CILP: variants seen among roughly 807,000 people sequenced by gnomAD.
CILP encodes cartilage intermediate layer protein 1.
CILP carries 75 observed loss-of-function variants against 82.5 expected under a neutral mutation model. The observed-to-expected ratio is 0.91, with a 90% confidence interval of 0.75 to 1.10. The LOEUF (loss-of-function observed/expected upper bound fraction) is 1.10, where lower values mean the gene tolerates loss of function less well. CILP is among the 50% of genes least tolerant of loss of function. CILP has a pLI of 0.00. For synonymous variants in CILP, 530 were observed against 580.3 expected (o/e 0.91, Z 1.25); for missense variants, 1,479 against 1,530.8 (o/e 0.97, Z 0.56).
chr15:65,203,433 T>C lies in CILP; in HGVS notation c.957A>G (p.Ala319=). The change falls in exon 7 of 9, where the codon GCA becomes GCG. Residue 319 remains alanine (A), a synonymous_variant. Transcript: ENST00000261883. The part of the protein sequence containing the change: ...PYMVMNPETK[A]RRAGQSVSLC... ...GAGACACGCTCTGCCCAGCTCTCCG[T>C]GCTTTTGTCTCAGGGTTCATCACCA... The C allele has an allele frequency of 1.2e-6, 2 of 1,612,968 alleles. No individual in the cohort carries two copies. Among genetic ancestry groups the C allele is most frequent in the Non-Finnish European group, 1.7e-6 (2 of 1,180,004 alleles).
Position 65,198,248 on chromosome 15 carries a change from C to T in CILP, c.2038G>A (p.Val680Ile). Reference sequence around the variant, plus strand: ...TTGACCTGGGTCGAGTCAAGGTGGACCTTCACTTTGCCAGCATTAAGTGGC... The same window carrying T: ...TTGACCTGGGTCGAGTCAAGGTGGATCTTCACTTTGCCAGCATTAAGTGGC... ...SEPLNAGKVK[V>I]HLDSTQVKMP... is the part of the protein sequence containing the mutation. The change falls in exon 9 of 9, where the codon GTC becomes ATC. Residue 680 changes from valine to isoleucine, a missense_variant. By Grantham distance (29) the Val-to-Ile change is conservative. Coordinates refer to ENST00000261883, the MANE Select transcript of CILP (RefSeq NM_003613.4). 3.7e-6 allele frequency: 6 copies of T among 1,614,248 alleles called. No individual in the cohort carries two copies. Among genetic ancestry groups the T allele is most frequent in the South Asian group, 1.1e-5 (1 of 91,088 alleles).
At chr15:65,207,852 G>T in intron 2 of CILP, 88 bp from the exon 3 acceptor site, 1 of 1,116,038 alleles carries the variant, frequency 9.0e-7, no homozygotes, top group South Asian at 1.3e-5. Flanking sequence ...GTGAGGTGGT[G>T]AATGGAGCAT....
At chr15:65,199,571 C>G (rs1180437287) in intron 8 of CILP, among the ~76,000 whole-genome samples, 1 of 152,182 alleles carries the variant, frequency 6.6e-6, no homozygotes, top group Non-Finnish European at 1.5e-5. Flanking sequence ...ACCTGTTATC[C>G]CAACAATTTG....
In CILP at chr15:65,197,390, C is replaced by T; in HGVS notation, c.2896G>A (p.Val966Met). Reference sequence around the variant, plus strand: ...CCCATGTTGCGGGATCGCACATTCACTTCCAGTGGCCCCACAATCTTCACC... The same window carrying T: ...CCCATGTTGCGGGATCGCACATTCATTTCCAGTGGCCCCACAATCTTCACC... ...IKVKIVGPLE[V>M]NVRSRNMGGT... The change falls in exon 9 of 9, where the codon GTG (valine) becomes ATG (methionine). Residue 966 changes from valine (V) to methionine (M), a missense_variant. Coordinates refer to ENST00000261883, the MANE Select transcript of CILP (RefSeq NM_003613.4). 1 of 1,614,254 alleles carries T rather than the reference C, an allele frequency of 6.2e-7. No homozygotes were observed.
In CILP at chr15:65,201,728, CAAAAAAAAA is replaced by C. The variant is rs59737757; in HGVS notation, c.1186+135_1186+143del. ...TGGGTGACACAGCGAGACTCCATCT[CAAAAAAAAA>C]AAAAAAAAAAAAAGAAAGAAAGAAA... On this transcript the variant is annotated intron_variant, in intron 8 of 8. Coordinates refer to ENST00000261883, the MANE Select transcript of CILP (RefSeq NM_003613.4). 2.6e-4 allele frequency: 70 copies of C among 270,278 alleles called. 1 individual carries two copies. The highest frequency in any genetic ancestry group is 4.0e-4 in the South Asian group (3 of 7,562). The allele number at this position is 270,278 out of a possible 1,614,324, so 16.7% of individuals were successfully genotyped here. A position where few individuals can be genotyped will look rare whatever the true frequency, so the allele number is the denominator to read the frequency against.
intron 2 of CILP, 35 bp downstream of exon 2, chr15:65,209,660 G>C (rs762368930): frequency 6.2e-7 from 1 of 1,608,172 alleles, no homozygotes; most frequent in Non-Finnish European, 8.5e-7. Context: ...GTGGCAAGTG[G>C]AAGATTTGGG....
Position 65,204,407 on chromosome 15 carries a change from C to G in CILP, c.780G>C (p.Gly260=). Residue 260 remains glycine (G), a synonymous_variant, in exon 6 of 9, where the codon GGG becomes GGC. Transcript: ENST00000261883. ...GGCACAAGCCAGGGATTCGGAATCT[C>G]CCATCACTGTCTGTCTGGGTCAGCA... is the stretch of plus-strand genomic sequence containing the variant. ...PKLLTQTDSD[G]RFRIPGLCPD... 2 of 1,614,200 alleles carry G rather than the reference C, an allele frequency of 1.2e-6. No individual in the cohort carries two copies. Among genetic ancestry groups the G allele is most frequent in the Non-Finnish European group, 1.7e-6 (2 of 1,180,040 alleles).
At chr15:65,200,677 T>C (rs972810424) in intron 8 of CILP, among the ~76,000 whole-genome samples, 1 of 152,166 alleles carries the variant, frequency 6.6e-6, no homozygotes, top group Non-Finnish European at 1.5e-5. Flanking sequence ...ACATACACAA[T>C]CCCTGCCCAT....
Position 65,197,708 on chromosome 15 carries a change from G to A in CILP, c.2578C>T (p.Arg860Cys), listed in dbSNP as rs182779628. 1.1e-4 allele frequency: 177 copies of A among 1,613,190 alleles called. No homozygotes were observed. In the East Asian group the frequency reaches 1.2e-3, roughly 11 times the overall value. ...CGTGGATCCTCATGGTCCGTCCGAC[G>A]GTAGTTGAGCTTGTTGAGATAGGGC... Reference protein sequence around the residue: ...PQPYLNKLNYRRTDHEDPRVK... With the variant: ...PQPYLNKLNYCRTDHEDPRVK... Residue 860 changes from arginine to cysteine, a missense_variant, in exon 9 of 9, where the codon CGT becomes TGT. Arg to Cys is a radical substitution (Grantham distance 180). Coordinates refer to ENST00000261883, the MANE Select transcript of CILP (RefSeq NM_003613.4).
At chr15:65,202,641 T>G (rs1417243605) in intron 7 of CILP, among the ~76,000 whole-genome samples, 1 of 152,016 alleles carries the variant, frequency 6.6e-6, no homozygotes, top group Non-Finnish European at 1.5e-5. Flanking sequence ...TTGGCCAGAC[T>G]GGTCTCGAAC....
rs527679615 is a variant in CILP, at chr15:65,205,406, G to A, written c.485C>T (p.Ser162Leu). The part of the protein sequence containing the change: ...WSPWSPWSKC[S>L]AACGQTGVQT... ...GACCCCAGTCTGACCACAGGCAGCTGAGCACTTGCTCCAGGGAGACCATGG... is the reference window on the plus strand; with the variant it reads ...GACCCCAGTCTGACCACAGGCAGCTAAGCACTTGCTCCAGGGAGACCATGG... The change falls in exon 5 of 9, where the codon TCA (serine) becomes TTA (leucine). Residue 162 changes from serine (S) to leucine (L), a missense_variant. Transcript: ENST00000261883. 6.2e-7 allele frequency: 1 copy of A among 1,614,076 alleles called. No homozygotes were observed. The highest frequency in any genetic ancestry group is 8.5e-7 in the Non-Finnish European group (1 of 1,180,028).
chr15:65,206,756 G>T, intron 4 of CILP, 26 bp downstream of exon 4: 3 of 1,591,490 alleles, frequency 1.9e-6, no homozygotes, highest in Non-Finnish European at 2.6e-6. Flanking sequence ...GAAGTAGCGG[G>T]TGGGGGTGGG....
chr15:65,207,862 T>A, intron 2 of CILP, 98 bp from the exon 3 acceptor site: 1 of 1,008,384 alleles, frequency 9.9e-7, no homozygotes, highest in East Asian at 2.5e-5. Flanking sequence ...GAATGGAGCA[T>A]GAGCACCAGG....
Position 65,196,597 on chromosome 15 carries a change from A to G in CILP, c.*134T>C. ...ATCAGTAGCATGGGACAAAGTAAGTAAAGGCATGAAGAAACAAACAAGCAA... is the reference window on the plus strand; with the variant it reads ...ATCAGTAGCATGGGACAAAGTAAGTGAAGGCATGAAGAAACAAACAAGCAA... On this transcript the variant is annotated 3_prime_UTR_variant, in exon 9 of 9. Transcript: ENST00000261883. 1.3e-6 allele frequency: 1 copy of G among 757,266 alleles called. No homozygotes were observed. 46.9% of individuals were successfully genotyped at this position (757,266 alleles called of 1,614,324 possible).
chr15:65,197,557 G>A lies in CILP; in HGVS notation c.2729C>T (p.Ala910Val), dbSNP rs765011243. 1.2e-6 allele frequency: 2 copies of A among 1,614,236 alleles called. No individual in the cohort carries two copies. The highest frequency in any genetic ancestry group is 8.5e-7 in the Non-Finnish European group (1 of 1,180,044). Residue 910 changes from alanine (A) to valine (V), a missense_variant, in exon 9 of 9, where the codon GCC becomes GTC. Transcript: ENST00000261883. ...RACEEAPPSA[A>V]HFRFYQIEGD... ...CTCAATCTGGTAGAACCGGAAGTGGGCTGCACTGGGTGGTGCCTCTTCACA... is the reference window on the plus strand; with the variant it reads ...CTCAATCTGGTAGAACCGGAAGTGGACTGCACTGGGTGGTGCCTCTTCACA...
intron 4 of CILP, 44 bp downstream of exon 4, chr15:65,206,738 G>T (rs1167106997): frequency 6.3e-7 from 1 of 1,576,998 alleles, no homozygotes; most frequent in Admixed American, 1.7e-5. Flanking sequence ...CTGAGTAGAG[G>T]CCAGTGGGAA....
In CILP at chr15:65,206,872, T is replaced by G; in HGVS notation, c.334A>C (p.Ser112Arg). Residue 112 changes from serine to arginine, a missense_variant, in exon 4 of 9, where the codon AGT becomes CGT. Transcript: ENST00000261883. ...AGGCACCAGAAACCCTCACGGGGAC[T>G]ACCATGGACCACCTGGCCAGTGCTG... ...AGSTGQVVHGSPREGFWCLNR... is the reference protein window; with the variant it reads ...AGSTGQVVHGRPREGFWCLNR... 5.0e-6 allele frequency: 8 copies of G among 1,614,014 alleles called. No individual in the cohort carries two copies. The highest frequency in any genetic ancestry group is 5.9e-6 in the Non-Finnish European group (7 of 1,179,998).
At chr15:65,208,015 G>A (rs2088537108) in intron 2 of CILP, among the ~76,000 whole-genome samples, 1 of 152,166 alleles carries the variant, frequency 6.6e-6, no homozygotes, top group African/African-American at 2.4e-5. Context: ...AGGTGATAAT[G>A]AATGTAAAGA....
At chr15:65,207,849 G>A in intron 2 of CILP, 85 bp from the exon 3 acceptor site, 2 of 1,137,878 alleles carry the variant, frequency 1.8e-6, no homozygotes, top group Admixed American at 1.8e-5. Context: ...AGTGTGAGGT[G>A]GTGAATGGAG....
Sources: gnomAD v4.1 joint callset for allele counts (sites outside exome capture counted in the v4.1 genomes callset) on GRCh38, gnomAD v4.1.1 for gene constraint, MANE v1.5 for transcripts, NCBI Gene and HGNC (gene_info 2026-07-23, HGNC 2026-07-21) for gene names.